CTNNA1: variants seen among roughly 807,000 people sequenced by gnomAD.
CTNNA1 encodes the protein catenin alpha 1.
CTNNA1 carries 37 observed loss-of-function variants against 98.4 expected under a neutral mutation model. The observed-to-expected ratio is 0.38, with a 90% confidence interval of 0.29 to 0.49. The LOEUF is 0.49. Among genes scored for constraint, CTNNA1 ranks in the 20% least tolerant of loss-of-function variants. CTNNA1 has a pLI of 0.95. For synonymous variants in CTNNA1, 404 were observed against 413.2 expected (o/e 0.98, Z 0.27); for missense variants, 761 against 1,147.2 (o/e 0.66, Z 4.86).
In CTNNA1 at chr5:138,753,726, G is replaced by A. The variant is rs546999400; in HGVS notation, c.-3+216G>A. On this transcript the variant is annotated intron_variant, in intron 1 of 17. Coordinates refer to ENST00000302763, the MANE Select transcript of CTNNA1 (RefSeq NM_001903.5). ...TTCCCCCGCAGGGCCCGAGTATGGG[G>A]CCCGGGCGGGCACGGCCGGCGCTTC... The A allele has an allele frequency of 5.9e-3, 1,885 of 317,062 alleles. 30 individuals are homozygous for A. Among genetic ancestry groups the A allele is most frequent in the African/African-American group, 0.038 (1,743 of 45,778 alleles). The allele number at this position is 317,062 out of a possible 1,614,324, so 19.6% of individuals were successfully genotyped here.
chr5:138,764,913 G>A (rs1445087624), intron 1 of CTNNA1, among the ~76,000 whole-genome samples: 2 of 117,688 alleles, frequency 1.7e-5, no homozygotes, highest in Non-Finnish European at 3.2e-5. Context: ...TGTCGCCCAT[G>A]CTGGAGTGGG....
rs1274677659 is a variant in CTNNA1 at position 138,925,280 on chromosome 5, T to C, written c.1772T>C (p.Val591Ala). 6.2e-7 allele frequency: 1 copy of C among 1,613,894 alleles called. No homozygotes were observed. Among genetic ancestry groups the C allele is most frequent in the Non-Finnish European group, 8.5e-7 (1 of 1,180,024 alleles). ...GTCATGCCACGTTTTACTGAGCAAG[T>C]AGAAGCAGCCGTGGAAGCCCTCAGC... ...NTVMPRFTEQ[V>A]EAAVEALSSD... Residue 591 changes from valine to alanine, a missense_variant, in exon 13 of 18, where the codon GTA becomes GCA. By Grantham distance (64) the Val-to-Ala change is moderately conservative (BLOSUM62 0). Coordinates refer to ENST00000302763, the MANE Select transcript of CTNNA1 (RefSeq NM_001903.5).
At chr5:138,839,919 A>G (rs956238946) in intron 7 of CTNNA1, among the ~76,000 whole-genome samples, 3 of 152,214 alleles carry the variant, frequency 2.0e-5, no homozygotes, top group African/African-American at 7.2e-5. Context: ...TGCTCTTCAC[A>G]TGTGATGCCA....
rs29001602 is a variant in CTNNA1 at position 138,934,469 on chromosome 5, C to T, written c.*380C>T. 2,603 of 199,696 alleles carry T rather than the reference C, an allele frequency of 0.013. 80 individuals are homozygous for T. Among genetic ancestry groups the T allele is most frequent in the African/African-American group, 0.056 (2,388 of 42,268 alleles). The allele number at this position is 199,696 out of a possible 1,614,324, so 12.4% of individuals were successfully genotyped here. A position where few individuals can be genotyped will look rare whatever the true frequency, so the allele number is the denominator to read the frequency against. ...TTCAGTTGAGAGGGTGCAGTCCAGA[C>T]AGCTTGACTGCTTTTAAATGACCAA... On this transcript the variant is annotated 3_prime_UTR_variant, in exon 18 of 18. Coordinates refer to ENST00000302763, the MANE Select transcript of CTNNA1 (RefSeq NM_001903.5).
intron 1 of CTNNA1, among the ~76,000 whole-genome samples, chr5:138,780,869 T>C (rs1755014367): frequency 6.6e-6 from 1 of 152,238 alleles, no homozygotes; most frequent in Non-Finnish European, 1.5e-5. Context: ...TTTATATTAG[T>C]GTTTACCTCA....
intron 10 of CTNNA1, among the ~76,000 whole-genome samples, chr5:138,909,586 A>T (rs1165913730): frequency 6.6e-6 from 1 of 151,866 alleles, no homozygotes; most frequent in Non-Finnish European, 1.5e-5. Flanking sequence ...TGATCCTCCC[A>T]CCTGAGCCTC....
At chr5:138,864,194 G>T (rs1430990544) in intron 7 of CTNNA1, among the ~76,000 whole-genome samples, 1 of 152,174 alleles carries the variant, frequency 6.6e-6, no homozygotes, top group African/African-American at 2.4e-5. Flanking sequence ...TTGACCTCAA[G>T]TGGTCCTCCT....
chr5:138,768,696 C>T (rs1275280983), intron 1 of CTNNA1, among the ~76,000 whole-genome samples: 1 of 151,172 alleles, frequency 6.6e-6, no homozygotes, highest in East Asian at 2.0e-4. Context: ...CTGCCTGAGC[C>T]TTCCCAGTAG....
At position 138,924,625 on chromosome 5, in the gene CTNNA1, C is replaced by T. The variant is rs146151753; in HGVS notation, c.1662C>T (p.His554=). The change falls in exon 12 of 18, where the codon CAC becomes CAT. Residue 554 remains histidine, a synonymous_variant. Coordinates refer to ENST00000302763, the MANE Select transcript of CTNNA1 (RefSeq NM_001903.5). The stretch of plus-strand genomic sequence containing the variant: ...GAGGCCGGGCAGCCCGGGTCATTCA[C>T]GTAGTCACCTCAGAGATGGACAACT... ...AIRGRAARVI[H]VVTSEMDNYE... 1.7e-5 allele frequency: 27 copies of T among 1,613,480 alleles called. No homozygotes were observed. Among genetic ancestry groups the T allele is most frequent in the African/African-American group, 1.3e-4 (10 of 75,036 alleles).
chr5:138,795,200 G>C (rs1319212961), intron 3 of CTNNA1, among the ~76,000 whole-genome samples: 1 of 148,770 alleles, frequency 6.7e-6, no homozygotes, highest in Non-Finnish European at 1.5e-5. Context: ...GGTGGCTCAT[G>C]CCTGTAATCC....
At chr5:138,900,087 T>C (rs1757708418) in intron 9 of CTNNA1, among the ~76,000 whole-genome samples, 1 of 152,258 alleles carries the variant, frequency 6.6e-6, no homozygotes, top group Admixed American at 6.5e-5. Flanking sequence ...AAAAACTTAT[T>C]GAGTGCCTCT....
At chr5:138,839,273 G>A (rs1217143105) in intron 7 of CTNNA1, among the ~76,000 whole-genome samples, 1 of 151,984 alleles carries the variant, frequency 6.6e-6, no homozygotes, top group African/African-American at 2.4e-5. Flanking sequence ...GCTCAGGCTG[G>A]AAGTATAGAG....
chr5:138,859,578 C>G (rs1764071977), intron 7 of CTNNA1, among the ~76,000 whole-genome samples: 1 of 152,214 alleles, frequency 6.6e-6, no homozygotes, highest in Non-Finnish European at 1.5e-5. Context: ...ATGTGTTCCA[C>G]TTAATAGTCT....
At chr5:138,915,931 C>T (rs1349091328) in intron 10 of CTNNA1, among the ~76,000 whole-genome samples, 2 of 152,098 alleles carry the variant, frequency 1.3e-5, no homozygotes, top group East Asian at 3.8e-4. Context: ...CACCTGTAAT[C>T]CCAGCTACTT....
chr5:138,929,168 C>G, intron 13 of CTNNA1, 78 bp from the exon 14 acceptor site: 4 of 817,706 alleles, frequency 4.9e-6, no homozygotes, highest in Non-Finnish European at 6.6e-6. Context: ...CTCCGTGCAC[C>G]TGGCCAAGAG....
intron 3 of CTNNA1, among the ~76,000 whole-genome samples, chr5:138,784,301 C>T (rs1755443379): frequency 6.6e-6 from 1 of 152,134 alleles, no homozygotes; most frequent in Non-Finnish European, 1.5e-5. Context: ...TAAGGTAAAT[C>T]GAGCCCTGCT....
At chr5:138,905,665 A>G (rs1759086819) in intron 10 of CTNNA1, among the ~76,000 whole-genome samples, 1 of 152,238 alleles carries the variant, frequency 6.6e-6, no homozygotes, top group South Asian at 2.1e-4. Context: ...CCCTCTAGAA[A>G]GACTCTGAAG....
intron 1 of CTNNA1, among the ~76,000 whole-genome samples, chr5:138,756,027 CTTAT>C (rs142619332): frequency 0.69 from 98,574 of 143,794 alleles, 34,079 homozygotes; most frequent in East Asian, 0.93. Context: ...CCACGCCCGG[CTTAT>C]TTATTTATTT....
intron 3 of CTNNA1, among the ~76,000 whole-genome samples, chr5:138,792,200 G>A (rs1475688987): frequency 6.6e-6 from 1 of 152,180 alleles, no homozygotes; most frequent in Non-Finnish European, 1.5e-5. Context: ...GTACACACAT[G>A]TATGTGTATG....
Sources: allele counts gnomAD v4.1 joint callset (sites outside exome capture counted in the v4.1 genomes callset), GRCh38; gene constraint gnomAD v4.1.1; transcripts MANE v1.5; gene names NCBI Gene and HGNC (gene_info 2026-07-23, HGNC 2026-07-21).